Variants in ROBO2 observed in about 807,000 individuals in gnomAD.
ROBO2 encodes roundabout guidance receptor 2.
Under a neutral mutation model 160.8 loss-of-function variants are expected in ROBO2, and 53 were observed. That is an observed-to-expected ratio of 0.33 (90% confidence interval 0.26 to 0.41). The LOEUF (loss-of-function observed/expected upper bound fraction) is 0.41, where lower values mean the gene tolerates loss of function less well. ROBO2 is among the 10% of genes least tolerant of loss of function. The pLI is 1.00. For synonymous variants in ROBO2, 664 were observed against 611.7 expected (o/e 1.09, Z -1.26); for missense variants, 1,577 against 1,722.4 (o/e 0.92, Z 1.49).
intron 2 of ROBO2, among the ~76,000 whole-genome samples, chr3:76,193,999 G>A (rs950327437): frequency 9.2e-5 from 14 of 151,918 alleles, no homozygotes; most frequent in African/African-American, 3.4e-4. Context: ...CAGCCAATAA[G>A]GAAAAGAATA....
Position 76,718,354 on chromosome 3 carries a change from G to A in ROBO2, c.110-379660G>A, listed in dbSNP as rs544810656. ...CAGGATTCCTATCATTCTCACCGAT[G>A]AATTTTACATTTAACATTATCTTCA... On this transcript the variant is annotated intron_variant, in intron 2 of 26. Transcript: ENST00000487694. 4.6e-5 allele frequency among the ~76,000 whole-genome samples: 7 copies of A among 152,266 alleles called. No homozygotes were observed. In the East Asian group the frequency reaches 1.4e-3, roughly 29 times the overall value.
intron 1 of ROBO2, among the ~76,000 whole-genome samples, chr3:75,925,275 C>A (rs1947244544): frequency 6.6e-6 from 1 of 151,578 alleles, no homozygotes; most frequent in Admixed American, 6.6e-5. Context: ...CGCCTGTCGT[C>A]CTGGCTACTC....
intron 2 of ROBO2, among the ~76,000 whole-genome samples, chr3:77,333,183 T>G (rs1200339692): frequency 6.6e-6 from 1 of 152,214 alleles, no homozygotes; most frequent in East Asian, 1.9e-4. Flanking sequence ...CTTGGTTATA[T>G]TCTGGCGTCA....
chr3:76,977,031 C>T (rs2059849545), intron 2 of ROBO2, among the ~76,000 whole-genome samples: 1 of 152,126 alleles, frequency 6.6e-6, no homozygotes, highest in Non-Finnish European at 1.5e-5. Flanking sequence ...CTTCCATTTG[C>T]TATTCATGTT....
chr3:76,833,088 G>T (rs529719115), intron 2 of ROBO2, among the ~76,000 whole-genome samples: 9 of 152,198 alleles, frequency 5.9e-5, no homozygotes, highest in Admixed American at 3.3e-4. Context: ...CAGTTTCAAG[G>T]TCAAGAAGTG....
At position 77,427,437 on chromosome 3, in the gene ROBO2, G is replaced by A. The variant is rs533903694; in HGVS notation, c.389-49977G>A. ...AAATTGAAGTGAGCTTAAATAATTT[G>A]TAGAAGTTCACGTATCTCATAAGTG... On this transcript the variant is annotated intron_variant, in intron 2 of 25. Coordinates refer to ENST00000461745, the Ensembl canonical transcript of ROBO2. Among the ~76,000 whole-genome samples, 5 of 152,274 alleles carry A rather than the reference G, an allele frequency of 3.3e-5. No homozygotes were observed. In the South Asian group the frequency reaches 1.0e-3, roughly 32 times the overall value.
intron 2 of ROBO2, among the ~76,000 whole-genome samples, chr3:76,454,954 T>G (rs886521618): frequency 4.6e-5 from 7 of 152,056 alleles, no homozygotes; most frequent in Admixed American, 3.9e-4. Context: ...ACTTAAAAAA[T>G]AAATTGAGAA....
At position 77,363,391 on chromosome 3, in the gene ROBO2, T is replaced by C. The variant is rs190003474; in HGVS notation, c.389-114023T>C. 5.9e-4 allele frequency among the ~76,000 whole-genome samples: 90 copies of C among 152,286 alleles called. No individual in the cohort carries two copies. In the Middle Eastern group the frequency reaches 0.014, roughly 23 times the overall value. On this transcript the variant is annotated intron_variant, in intron 2 of 25. Transcript: ENST00000461745. ...ATGATAGCTCAATGTATATCAGATA[T>C]TGGCAAACTTTTTCCATAAGGGGTC...
intron 2 of ROBO2, among the ~76,000 whole-genome samples, chr3:76,889,186 G>C (rs1360666486): frequency 6.6e-6 from 1 of 152,176 alleles, no homozygotes; most frequent in Admixed American, 6.5e-5. Context: ...CACCTAGCCA[G>C]ACTGATCACT....
chr3:76,102,257 G>A (rs2069727118), intron 2 of ROBO2, among the ~76,000 whole-genome samples: 1 of 152,214 alleles, frequency 6.6e-6, no homozygotes, highest in Non-Finnish European at 1.5e-5. Flanking sequence ...AAACATCTCA[G>A]TAATACATAT....
chr3:76,180,297 G>T (rs969177660), intron 2 of ROBO2, among the ~76,000 whole-genome samples: 1 of 152,090 alleles, frequency 6.6e-6, no homozygotes, highest in Non-Finnish European at 1.5e-5. Flanking sequence ...ATAAGAACTT[G>T]TTGAACTGAA....
At chr3:76,147,219 T>A (rs1478588913) in intron 2 of ROBO2, among the ~76,000 whole-genome samples, 9 of 151,176 alleles carry the variant, frequency 6.0e-5, no homozygotes, top group African/African-American at 2.2e-4. Context: ...ATATGTTGAG[T>A]TTGTAATAAA....
At chr3:77,164,885 G>A (rs2078896675) in intron 2 of ROBO2, among the ~76,000 whole-genome samples, 6 of 97,874 alleles carry the variant, frequency 6.1e-5, no homozygotes, top group South Asian at 3.3e-4. Context: ...CGGGAGGGAG[G>A]TGGGGGGGTC....
chr3:76,371,505 T>C (rs1226349306), intron 2 of ROBO2, among the ~76,000 whole-genome samples: 1 of 151,872 alleles, frequency 6.6e-6, no homozygotes, highest in African/African-American at 2.4e-5. Flanking sequence ...ATCTGTTATA[T>C]ACGTAATTGT....
At chr3:76,431,442 A>G (rs761544910) in intron 2 of ROBO2, among the ~76,000 whole-genome samples, 4 of 152,154 alleles carry the variant, frequency 2.6e-5, no homozygotes, top group Non-Finnish European at 5.9e-5. Flanking sequence ...TATAAGAAAG[A>G]CACTATAACA....
chr3:76,078,819 C>T (rs573393142), intron 2 of ROBO2, among the ~76,000 whole-genome samples: 70 of 152,136 alleles, frequency 4.6e-4, no homozygotes, highest in African/African-American at 1.5e-3. Flanking sequence ...TTTTGAGGGA[C>T]CTCCATGGTT....
chr3:77,175,259 A>G (rs1234876796), intron 2 of ROBO2, among the ~76,000 whole-genome samples: 4 of 152,070 alleles, frequency 2.6e-5, no homozygotes, highest in Non-Finnish European at 5.9e-5. Context: ...TCCACATAGT[A>G]CTTGCATATA....
intron 5 of ROBO2, among the ~76,000 whole-genome samples, chr3:77,495,028 T>C (rs956487340): frequency 2.0e-5 from 3 of 152,212 alleles, no homozygotes; most frequent in African/African-American, 4.8e-5. Context: ...TGCCCTCTCA[T>C]TGGAGAAGCA....
chr3:76,126,170 A>C (rs1312886544), intron 2 of ROBO2, among the ~76,000 whole-genome samples: 4 of 152,186 alleles, frequency 2.6e-5, no homozygotes, highest in African/African-American at 9.6e-5. Context: ...GGTAACAAGG[A>C]AACAGGAGTG....
Sources: allele counts gnomAD v4.1 joint callset (sites outside exome capture counted in the v4.1 genomes callset), GRCh38; gene constraint gnomAD v4.1.1; transcripts MANE v1.5; gene names NCBI Gene and HGNC (gene_info 2026-07-23, HGNC 2026-07-21).